The following DMRT1 variants were observed in gnomAD, a reference collection of about 807,000 sequenced individuals.
The protein encoded by DMRT1 is doublesex and mab-3 related transcription factor 1.
A neutral mutation model predicts 32.3 loss-of-function variants in DMRT1; 7 were observed. The observed-to-expected ratio is 0.22, with a 90% confidence interval of 0.12 to 0.41. The LOEUF (loss-of-function observed/expected upper bound fraction) is 0.41, where lower values mean the gene tolerates loss of function less well. Ranked by LOEUF, DMRT1 falls within the 10% of genes least tolerant of loss-of-function variation. The pLI is 1.00. For missense variants in DMRT1, 625 were observed against 500.5 expected, an observed-to-expected ratio of 1.25 and a Z score of -2.37; for synonymous variants, 278 against 206.1, an observed-to-expected ratio of 1.35 and a Z score of -2.99.
Position 862,331 on chromosome 9 carries a change from C to A in DMRT1, c.538+15188C>A, listed in dbSNP as rs530133854. 1.5e-3 allele frequency among the ~76,000 whole-genome samples: 224 copies of A among 152,258 alleles called. 1 individual carries two copies. Among genetic ancestry groups the A allele is most frequent in the African/African-American group, 5.2e-3 (214 of 41,550 alleles). Reference sequence around the variant, plus strand: ...CCCCGCCAACACGGCGAAACCCCGTCTCCACCGAAAAATAGGAAAACCAGT... The same window carrying A: ...CCCCGCCAACACGGCGAAACCCCGTATCCACCGAAAAATAGGAAAACCAGT... On this transcript the variant is annotated intron_variant, in intron 2 of 4. Transcript: ENST00000382276.
chr9:908,576 C>T lies in DMRT1; in HGVS notation c.823-8187C>T, dbSNP rs577940310. On this transcript the variant is annotated intron_variant, in intron 3 of 4. Transcript: ENST00000382276. ...GTGTTCAATTTTGGTTCTGTTTTTC[C>T]ATGTGAGTTGTTTGTTTTTTTATGG... Among the ~76,000 whole-genome samples the T allele has an allele frequency of 3.6e-4, 55 of 152,210 alleles. 1 individual carries two copies. Among genetic ancestry groups the T allele is most frequent in the African/African-American group, 1.1e-3 (47 of 41,530 alleles).
chr9:914,573 C>CAAAAAAAAAA, intron 3 of DMRT1, among the ~76,000 whole-genome samples: 1 of 66,166 alleles, frequency 1.5e-5, no homozygotes, highest in Non-Finnish European at 2.7e-5. Flanking sequence ...GACTCTGTCT[C>CAAAAAAAAAA]AAAAAAAAAA....
intron 3 of DMRT1, among the ~76,000 whole-genome samples, chr9:901,436 C>G (rs1405222145): frequency 6.6e-6 from 1 of 152,126 alleles, no homozygotes; most frequent in African/African-American, 2.4e-5. Flanking sequence ...AAGCGATTCT[C>G]CTGCCTCAGC....
chr9:908,075 G>A lies in DMRT1; in HGVS notation c.823-8688G>A, dbSNP rs75926677. 9.1e-3 allele frequency among the ~76,000 whole-genome samples: 1,384 copies of A among 152,214 alleles called. 15 individuals carry two copies. Among genetic ancestry groups the A allele is most frequent in the African/African-American group, 0.032 (1,330 of 41,526 alleles). On this transcript the variant is annotated intron_variant, in intron 3 of 4. Transcript: ENST00000382276. ...AATACTCACATCTGAATTGCTTCTG[G>A]GCTAAAGATAAGCAAAATGGACCAC...
At chr9:873,288 T>A (rs574100565) in intron 2 of DMRT1, among the ~76,000 whole-genome samples, 172 of 152,004 alleles carry the variant, frequency 1.1e-3, no homozygotes, top group African/African-American at 3.8e-3. Flanking sequence ...AAGTTTGAAT[T>A]GTAAAACACA....
intron 2 of DMRT1, among the ~76,000 whole-genome samples, chr9:857,514 A>G (rs1815450158): frequency 6.6e-6 from 1 of 152,140 alleles, no homozygotes; most frequent in Admixed American, 6.6e-5. Flanking sequence ...ATCTATAGGA[A>G]GGGCTAAAGT....
intron 4 of DMRT1, among the ~76,000 whole-genome samples, chr9:922,937 G>C (rs1188994784): frequency 3.3e-5 from 5 of 152,152 alleles, no homozygotes; most frequent in South Asian, 2.1e-4. Context: ...GGAGTTGAAG[G>C]CTTCATGCTC....
At chr9:888,430 C>T (rs1207254768) in intron 2 of DMRT1, among the ~76,000 whole-genome samples, 1 of 152,032 alleles carries the variant, frequency 6.6e-6, no homozygotes, top group Non-Finnish European at 1.5e-5. Flanking sequence ...CTCAGCCTCC[C>T]TTAGTGGCTG....
chr9:873,912 TTAG>T (rs1425112627), intron 2 of DMRT1, among the ~76,000 whole-genome samples: 1 of 152,122 alleles, frequency 6.6e-6, no homozygotes, highest in East Asian at 1.9e-4. Context: ...CAAAATTCAA[TTAG>T]TAGGGGAAAA....
chr9:864,407 G>A (rs188865206), intron 2 of DMRT1, among the ~76,000 whole-genome samples: 1 of 151,548 alleles, frequency 6.6e-6, no homozygotes, highest in Admixed American at 6.6e-5. Flanking sequence ...TGACCAGGCT[G>A]GTCTTGAACT....
intron 4 of DMRT1, among the ~76,000 whole-genome samples, chr9:951,954 G>A (rs10491583): frequency 0.13 from 20,512 of 152,192 alleles, 1,627 homozygotes; most frequent in African/African-American, 0.2. Flanking sequence ...TTCAATGCCT[G>A]TTTTGAGCTA....
chr9:920,415 C>G (rs1818316341), intron 4 of DMRT1, among the ~76,000 whole-genome samples: 1 of 152,082 alleles, frequency 6.6e-6, no homozygotes, highest in East Asian at 1.9e-4. Flanking sequence ...TAATGAGAGC[C>G]AAAGAGTGCT....
intron 2 of DMRT1, among the ~76,000 whole-genome samples, chr9:849,851 T>C (rs1195866631): frequency 6.6e-6 from 1 of 151,804 alleles, no homozygotes; most frequent in African/African-American, 2.4e-5. Context: ...GAGACAGAGT[T>C]TTGCTCTTGT....
chr9:848,090 A>G (rs1383541298), intron 2 of DMRT1, among the ~76,000 whole-genome samples: 5 of 152,248 alleles, frequency 3.3e-5, no homozygotes, highest in Admixed American at 6.5e-5. Flanking sequence ...GAATATCTTT[A>G]AATGTCTTTA....
chr9:897,051 A>G (rs1041718821), intron 3 of DMRT1, among the ~76,000 whole-genome samples: 2 of 151,146 alleles, frequency 1.3e-5, no homozygotes, highest in Admixed American at 6.6e-5. Flanking sequence ...CTGAGCTACA[A>G]ATTTTCTTAA....
At chr9:867,775 T>C (rs1395112683) in intron 2 of DMRT1, among the ~76,000 whole-genome samples, 1 of 152,168 alleles carries the variant, frequency 6.6e-6, no homozygotes, top group Admixed American at 6.5e-5. Context: ...TGTATCTTGG[T>C]ACAAGGGTAA....
intron 3 of DMRT1, among the ~76,000 whole-genome samples, chr9:913,058 G>C (rs950529697): frequency 6.6e-6 from 1 of 152,092 alleles, no homozygotes; most frequent in African/African-American, 2.4e-5. Flanking sequence ...ACAATAAAAA[G>C]TTTGCTGACA....
At chr9:849,197 G>C (rs912167) in intron 2 of DMRT1, among the ~76,000 whole-genome samples, 103,181 of 151,804 alleles carry the variant, frequency 0.68, 36,295 homozygotes, top group Middle Eastern at 0.77. Context: ...ATTTATTCCA[G>C]GCCTGTCTGG....
rs543399504 is a variant in DMRT1 at position 864,973 on chromosome 9, T to C, written c.538+17830T>C. On this transcript the variant is annotated intron_variant, in intron 2 of 4. Transcript: ENST00000382276. Reference sequence around the variant, plus strand: ...GCCGTGATGCAGGAATGGGGAGATATACTGTCCAGTCACATATTCTGGTTT... The same window carrying C: ...GCCGTGATGCAGGAATGGGGAGATACACTGTCCAGTCACATATTCTGGTTT... Among the ~76,000 whole-genome samples, 4 of 152,342 alleles carry C rather than the reference T, an allele frequency of 2.6e-5. No individual in the cohort carries two copies. In the East Asian group the frequency reaches 5.8e-4, roughly 22 times the overall value.
Sources: allele counts gnomAD v4.1 joint callset (sites outside exome capture counted in the v4.1 genomes callset), GRCh38; gene constraint gnomAD v4.1.1; transcripts MANE v1.5; gene names NCBI Gene and HGNC (gene_info 2026-07-23, HGNC 2026-07-21).